VCAN: variants seen among roughly 807,000 people sequenced by gnomAD.
The protein encoded by VCAN is versican, also known as versican core protein.
In VCAN, 44 loss-of-function variants were observed where a neutral mutation model predicts 245.5. The observed-to-expected ratio is 0.18, with a 90% CI of 0.14 to 0.23. The LOEUF is 0.23. Ranked by LOEUF, VCAN falls within the 10% of genes least tolerant of loss-of-function variation. The pLI is 1.00. For missense variants in VCAN, 3,793 were observed against 4,057.9 expected (o/e 0.93, Z 1.77); for synonymous variants, 1,413 against 1,437.0 (o/e 0.98, Z 0.38).
Position 83,538,715 on chromosome 5 carries a change from G to C in VCAN, c.5712G>C (p.Arg1904Ser), listed in dbSNP as rs1418739924. 2 of 1,613,884 alleles carry C rather than the reference G, an allele frequency of 1.2e-6. No homozygotes were observed. The highest frequency in any genetic ancestry group is 1.3e-5 in the African/African-American group (1 of 74,868). ...VVAENITQTSREIVISERLGE... is the reference protein window; with the variant it reads ...VVAENITQTSSEIVISERLGE... Reference sequence around the variant, plus strand: ...CTGAAAATATAACCCAAACATCCAGGGAAATAGTGATTTCAGAGCGATTAG... The same window carrying C: ...CTGAAAATATAACCCAAACATCCAGCGAAATAGTGATTTCAGAGCGATTAG... The change falls in exon 8 of 15, where the codon AGG becomes AGC. Residue 1904 changes from arginine (R) to serine (S), a missense_variant. By Grantham distance (110) the Arg-to-Ser change is moderately radical. Coordinates refer to ENST00000265077, the MANE Select transcript of VCAN (RefSeq NM_004385.5).
intron 13 of VCAN, among the ~76,000 whole-genome samples, chr5:83,575,336 C>G (rs987486374): frequency 1.3e-5 from 2 of 152,168 alleles, no homozygotes; most frequent in African/African-American, 4.8e-5. Context: ...GACCATGTCC[C>G]TTACTTCAGC....
chr5:83,500,148 A>G (rs1212519552), intron 5 of VCAN, among the ~76,000 whole-genome samples: 1 of 152,194 alleles, frequency 6.6e-6, no homozygotes, highest in Non-Finnish European at 1.5e-5. Flanking sequence ...TTGCGTCCTT[A>G]CTGGGCTTAT....
intron 2 of VCAN, among the ~76,000 whole-genome samples, chr5:83,485,525 C>T (rs1351414235): frequency 6.6e-6 from 1 of 151,930 alleles, no homozygotes; most frequent in Non-Finnish European, 1.5e-5. Context: ...ATAATCTATG[C>T]AGATTTGATT....
chr5:83,537,301 A>G lies in VCAN; in HGVS notation c.4298A>G (p.Gln1433Arg), dbSNP rs760297062. 2 of 1,613,996 alleles carry G rather than the reference A, an allele frequency of 1.2e-6. No homozygotes were observed. Among genetic ancestry groups the G allele is most frequent in the South Asian group, 2.2e-5 (2 of 91,088 alleles). The part of the protein sequence containing the change: ...DPEAAEARRG[Q>R]FESVAPSQNF... ...GAAGCTGCAGAAGCTAGGCGTGGCC[A>G]GTTTGAAAGTGTTGCACCTTCTCAG... Residue 1433 changes from glutamine (Q) to arginine (R), a missense_variant, in exon 8 of 15, where the codon CAG becomes CGG. Coordinates refer to ENST00000265077, the MANE Select transcript of VCAN (RefSeq NM_004385.5).
intron 7 of VCAN, 140 bp downstream of exon 7, chr5:83,522,449 A>G: frequency 2.3e-6 from 2 of 870,078 alleles, no homozygotes; most frequent in Non-Finnish European, 3.5e-6. Context: ...TTTTAGCTTC[A>G]TATATTTGTA....
Position 83,580,454 on chromosome 5 carries a change from G to A in VCAN, c.*20G>A, listed in dbSNP as rs754121180. The A allele has an allele frequency of 5.6e-6, 9 of 1,613,384 alleles. No homozygotes were observed. The South Asian group carries it at 9.9e-5, about 18-fold the overall frequency. Reference sequence around the variant, plus strand: ...CGCTGATCCCTAAAATGGCGAACATGTGTTTTCATCATTTCAGCCAAAGTC... The same window carrying A: ...CGCTGATCCCTAAAATGGCGAACATATGTTTTCATCATTTCAGCCAAAGTC... On this transcript the variant is annotated 3_prime_UTR_variant, in exon 15 of 15. Transcript: ENST00000265077.
chr5:83,561,267 C>G (rs1747856734), intron 12 of VCAN, among the ~76,000 whole-genome samples: 1 of 152,014 alleles, frequency 6.6e-6, no homozygotes, highest in African/African-American at 2.4e-5. Flanking sequence ...TTGTCCAAAT[C>G]TGGTCAGGAA....
At chr5:83,513,980 C>T (rs10053235) in intron 6 of VCAN, among the ~76,000 whole-genome samples, 8,394 of 152,016 alleles carry the variant, frequency 0.055, 758 homozygotes, top group African/African-American at 0.19. Flanking sequence ...CAACATTTTT[C>T]GTCTCTCTGT....
In VCAN at chr5:83,582,277, A is replaced by G. The variant is rs1294374476; in HGVS notation, c.*1843A>G. On this transcript the variant is annotated 3_prime_UTR_variant, in exon 15 of 15. Transcript: ENST00000265077. ...TATATCTGCTTTTGTTTCACCAAAG[A>G]AACCTAAAATCCTTCTTTTACTACA... is the stretch of plus-strand genomic sequence containing the variant. 3 of 152,188 alleles carry G rather than the reference A, an allele frequency of 2.0e-5. No individual in the cohort carries two copies. The highest frequency in any genetic ancestry group is 1.3e-4 in the Admixed American group (2 of 15,270). 9.4% of individuals were successfully genotyped at this position (152,188 alleles called of 1,614,324 possible). A position where few individuals can be genotyped will look rare whatever the true frequency, so the allele number is the denominator to read the frequency against.
intron 9 of VCAN, 104 bp from the exon 10 acceptor site, chr5:83,547,867 A>C: frequency 2.4e-6 from 2 of 838,876 alleles, no homozygotes; most frequent in Non-Finnish European, 4.0e-6. Flanking sequence ...TCTGAAATTC[A>C]AATTTAACTG....
intron 5 of VCAN, among the ~76,000 whole-genome samples, chr5:83,504,071 A>C (rs184704994): frequency 6.6e-6 from 1 of 152,236 alleles, no homozygotes; most frequent in African/African-American, 2.4e-5. Flanking sequence ...GTCTTGTAGC[A>C]GCTAGTGATC....
At chr5:83,576,719 T>G (rs1748497967) in intron 13 of VCAN, among the ~76,000 whole-genome samples, 1 of 152,168 alleles carries the variant, frequency 6.6e-6, no homozygotes, top group Non-Finnish European at 1.5e-5. Context: ...GCTCTACATC[T>G]TCTCCAACAT....
intron 7 of VCAN, among the ~76,000 whole-genome samples, chr5:83,530,985 C>A (rs1280299280): frequency 6.6e-6 from 1 of 152,038 alleles, no homozygotes; most frequent in East Asian, 1.9e-4. Flanking sequence ...AACACACATC[C>A]ATTGACAAGA....
chr5:83,558,481 A>G (rs951777891), intron 12 of VCAN, among the ~76,000 whole-genome samples: 11 of 152,162 alleles, frequency 7.2e-5, no homozygotes, highest in Non-Finnish European at 1.5e-4. Context: ...GTGGTAGAAC[A>G]GTATTAAAAC....
chr5:83,509,358 CCTTT>C (rs1269313614), intron 5 of VCAN, among the ~76,000 whole-genome samples: 1 of 152,270 alleles, frequency 6.6e-6, no homozygotes, highest in African/African-American at 2.4e-5. Flanking sequence ...CCTACTGAAG[CCTTT>C]CTTTCTTTTA....
At chr5:83,510,231 A>G (rs1400562944) in intron 5 of VCAN, among the ~76,000 whole-genome samples, 1 of 152,234 alleles carries the variant, frequency 6.6e-6, no homozygotes, top group Admixed American at 6.5e-5. Context: ...AATAGCTCTC[A>G]TTGAAATTTG....
chr5:83,497,220 G>T (rs531566871), intron 5 of VCAN, among the ~76,000 whole-genome samples: 4 of 152,102 alleles, frequency 2.6e-5, no homozygotes, highest in Non-Finnish European at 4.4e-5. Flanking sequence ...TTAATTTTCC[G>T]TTTTAATTTA....
intron 1 of VCAN, among the ~76,000 whole-genome samples, chr5:83,473,594 T>C (rs1340377546): frequency 6.6e-6 from 1 of 152,136 alleles, no homozygotes; most frequent in African/African-American, 2.4e-5. Flanking sequence ...GCCTTTCCCG[T>C]GCTCCAAGGC....
intron 4 of VCAN, 37 bp from the exon 5 acceptor site, chr5:83,493,767 G>A: frequency 6.2e-7 from 1 of 1,614,152 alleles, no homozygotes; most frequent in Non-Finnish European, 8.5e-7. Flanking sequence ...TTGAGAGTGA[G>A]AAGAAAGTGC....
Sources: gnomAD v4.1 joint callset for allele counts (sites outside exome capture counted in the v4.1 genomes callset) on GRCh38, gnomAD v4.1.1 for gene constraint, MANE v1.5 for transcripts, NCBI Gene and HGNC (gene_info 2026-07-23, HGNC 2026-07-21) for gene names.